EP400: variants seen among roughly 807,000 people sequenced by gnomAD.
EP400 encodes E1A-binding protein p400.
EP400 carries 105 observed loss-of-function variants against 354.1 expected under a neutral mutation model. That is an observed-to-expected ratio of 0.30 (90% confidence interval 0.25 to 0.35). EP400 has a LOEUF of 0.35. Ranked by LOEUF, EP400 falls within the 10% of genes least tolerant of loss-of-function variation. EP400 has a pLI of 1.00. For missense variants in EP400, 3,280 were observed against 4,121.0 expected, an observed-to-expected ratio of 0.80 and a Z score of 5.59; for synonymous variants, 1,646 against 1,716.9, an observed-to-expected ratio of 0.96 and a Z score of 1.02.
chr12:132,058,639 C>T (rs1054869224), intron 45 of EP400, among the ~76,000 whole-genome samples: 3 of 152,078 alleles, frequency 2.0e-5, no homozygotes, highest in Admixed American at 6.6e-5. Flanking sequence ...CGTGAGCCAC[C>T]GCGCCCAGCC....
Position 132,045,520 on chromosome 12 carries a change from A to T in EP400, c.6986A>T (p.Asn2329Ile). 1 of 1,613,960 alleles carries T rather than the reference A, an allele frequency of 6.2e-7. No individual in the cohort carries two copies. Reference protein sequence around the residue: ...AKPTAEPGQDNPEWLISEDWA... With the variant: ...AKPTAEPGQDIPEWLISEDWA... ...CCCACAGCTGAGCCTGGTCAAGACA[A>T]CCCCGAGTGGCTCATCAGTGAGGAC... Residue 2329 changes from asparagine (N) to isoleucine (I), a missense_variant, in exon 38 of 53, where the codon AAC becomes ATC. By Grantham distance (149) the Asn-to-Ile change is moderately radical. Coordinates refer to ENST00000389561, the MANE Select transcript of EP400 (RefSeq NM_015409.5).
chr12:132,064,567 G>A, intron 47 of EP400, 101 bp from the exon 48 acceptor site: 1 of 1,467,478 alleles, frequency 6.8e-7, no homozygotes, highest in Non-Finnish European at 9.1e-7. Context: ...GTCTGCTTTG[G>A]TATTTAATGG....
At chr12:132,032,444 A>G (rs1894545654) in intron 30 of EP400, among the ~76,000 whole-genome samples, 1 of 152,206 alleles carries the variant, frequency 6.6e-6, no homozygotes. Context: ...GATGCTGCTC[A>G]CACAAGTCAT....
chr12:132,001,537 G>A (rs909363808), intron 12 of EP400, among the ~76,000 whole-genome samples: 2 of 152,160 alleles, frequency 1.3e-5, no homozygotes, highest in Admixed American at 1.3e-4. Context: ...AACTGTGCGT[G>A]GGCCTGACTG....
At chr12:132,049,595 C>A (rs188279125) in intron 39 of EP400, among the ~76,000 whole-genome samples, 27 of 152,310 alleles carry the variant, frequency 1.8e-4, no homozygotes, top group Non-Finnish European at 3.5e-4. Context: ...GGCACACTCT[C>A]TTTGACCAGG....
At chr12:132,004,746 A>G (rs1436202827) in intron 12 of EP400, among the ~76,000 whole-genome samples, 1 of 152,188 alleles carries the variant, frequency 6.6e-6, no homozygotes, top group East Asian at 1.9e-4. Context: ...TGTACTGTGT[A>G]GTGGTGAAGT....
At chr12:131,984,259 G>T (rs1023471671) in intron 5 of EP400, among the ~76,000 whole-genome samples, 21 of 152,172 alleles carry the variant, frequency 1.4e-4, no homozygotes, top group Admixed American at 1.3e-3. Context: ...TGAAATAATA[G>T]TAACAATAAT....
intron 1 of EP400, among the ~76,000 whole-genome samples, chr12:131,955,304 C>T (rs540741764): frequency 9.9e-5 from 15 of 151,462 alleles, no homozygotes; most frequent in South Asian, 2.1e-4. Flanking sequence ...TTTTTTGAGA[C>T]GGAGTTTCGC....
chr12:132,060,596 G>C (rs1895658986), intron 45 of EP400, among the ~76,000 whole-genome samples: 1 of 152,138 alleles, frequency 6.6e-6, no homozygotes, highest in Non-Finnish European at 1.5e-5. Context: ...TGCCAGCCTA[G>C]GGCTCTGCAT....
intron 1 of EP400, among the ~76,000 whole-genome samples, chr12:131,950,279 C>A (rs768555683): frequency 6.6e-6 from 1 of 152,116 alleles, no homozygotes; most frequent in Non-Finnish European, 1.5e-5. Flanking sequence ...GTCGCGCGAT[C>A]CGCGCCCATT....
chr12:132,062,721 C>T lies in EP400; in HGVS notation c.8334+20C>T. ...ACGCCGGTGAGCATTTCCCAGAGGA[C>T]CATGAACGTGTGCGTCTTGCGGTCA... On this transcript the variant is annotated intron_variant, in intron 47 of 52. Transcript: ENST00000389561. The T allele has an allele frequency of 6.2e-7, 1 of 1,610,800 alleles. No homozygotes were observed. The highest frequency in any genetic ancestry group is 1.3e-5 in the African/African-American group (1 of 74,974).
At chr12:132,068,217 T>C in intron 50 of EP400, 1 of 152,460 alleles carries the variant, frequency 6.6e-6, no homozygotes, top group Non-Finnish European at 1.5e-5. Flanking sequence ...CACTGCTGTC[T>C]GGCTAGAGCT....
intron 32 of EP400, among the ~76,000 whole-genome samples, chr12:132,041,456 CT>C (rs749806456): frequency 6.6e-5 from 10 of 152,258 alleles, no homozygotes; most frequent in Non-Finnish European, 1.5e-4. Context: ...TGCTTCTGCA[CT>C]TTCCATACGT....
In EP400 at chr12:132,017,752, T is replaced by A; in HGVS notation, c.4110+31T>A. The stretch of plus-strand genomic sequence containing the variant: ...TGGAGGATCCAGAAAGCGGAATTAC[T>A]GTTGGATATCTTTTCTAGGCACATT... On this transcript the variant is annotated intron_variant, in intron 20 of 52. Transcript: ENST00000389561. This position sits in a 1 kb window ranked among gnomAD's most constrained non-coding sequence, Gnocchi z 5.0. The A allele has an allele frequency of 6.6e-7, 1 of 1,506,116 alleles. No individual in the cohort carries two copies. Among genetic ancestry groups the A allele is most frequent in the Non-Finnish European group, 8.9e-7 (1 of 1,128,002 alleles). 93.3% of individuals were successfully genotyped at this position (1,506,116 alleles called of 1,614,324 possible).
At chr12:132,033,026 C>T (rs1263368847) in intron 30 of EP400, among the ~76,000 whole-genome samples, 3 of 152,070 alleles carry the variant, frequency 2.0e-5, no homozygotes, top group Non-Finnish European at 4.4e-5. Flanking sequence ...TGGTTCACCG[C>T]AACCTCCACC....
intron 22 of EP400, 122 bp downstream of exon 22, chr12:132,020,340 C>A: frequency 8.6e-7 from 1 of 1,169,342 alleles, no homozygotes; most frequent in East Asian, 2.8e-5. Context: ...AGGCACCACC[C>A]GCTGGCTTTC....
At chr12:132,003,665 T>C (rs768613942) in intron 12 of EP400, among the ~76,000 whole-genome samples, 42 of 152,186 alleles carry the variant, frequency 2.8e-4, no homozygotes, top group Non-Finnish European at 4.9e-4. Flanking sequence ...TCATATGCTG[T>C]AGTGGTGCAT....
At chr12:132,011,860 C>T (rs1893778179) in intron 16 of EP400, among the ~76,000 whole-genome samples, 1 of 152,198 alleles carries the variant, frequency 6.6e-6, no homozygotes, top group African/African-American at 2.4e-5. Flanking sequence ...CCCAGGTGTG[C>T]ACAGATCTCA....
rs761538162 is a variant in EP400 at position 132,017,645 on chromosome 12, C to G, written c.4034C>G (p.Ser1345Cys). ...CTCGTCGAGCCCCGGCACCCAGGCT[C>G]TTCCTACGTGGCGGGGCCACTGGAG... is the stretch of plus-strand genomic sequence containing the variant. ...PGLVEPRHPG[S>C]SYVAGPLEYP... The change falls in exon 20 of 53, where the codon TCT (serine) becomes TGT (cysteine). Residue 1345 changes from serine (S) to cysteine (C), a missense_variant. This residue lies in a region of EP400 where 342 missense variants were observed against 342.7 expected (regional missense o/e 1.00). Transcript: ENST00000389561. The surrounding 1 kb of genome is among the most constrained non-coding windows in gnomAD (Gnocchi z 5.0). The G allele has an allele frequency of 1.9e-6, 3 of 1,605,228 alleles. No individual in the cohort carries two copies. The highest frequency in any genetic ancestry group is 3.4e-5 in the Admixed American group (2 of 58,822).
Sources: allele counts gnomAD v4.1 joint callset (sites outside exome capture counted in the v4.1 genomes callset), GRCh38; gene constraint gnomAD v4.1.1; regional missense constraint gnomAD v4.1.1; non-coding constraint Gnocchi (gnomAD v3.1); transcripts MANE v1.5; gene names NCBI Gene and HGNC (gene_info 2026-07-23, HGNC 2026-07-21).